TRIT1: variants seen among roughly 807,000 people sequenced by gnomAD.
The protein encoded by TRIT1 is tRNA isopentenyltransferase 1.
A neutral mutation model predicts 51.2 loss-of-function variants in TRIT1; 43 were observed. The observed-to-expected ratio is 0.84, with a 90% CI of 0.66 to 1.08. The LOEUF is 1.08. Ranked by LOEUF, TRIT1 falls within the 50% of genes least tolerant of loss-of-function variation. The probability of loss-of-function intolerance (pLI) is 0.00; values close to 1 mark genes in which losing one functional copy is unlikely to be tolerated. For synonymous variants in TRIT1, 184 were observed against 203.9 expected (o/e 0.90, Z 0.83); for missense variants, 528 against 578.4 (o/e 0.91, Z 0.89).
intron 8 of TRIT1, among the ~76,000 whole-genome samples, chr1:39,846,679 C>A (rs1247317469): frequency 1.3e-5 from 2 of 152,128 alleles, no homozygotes; most frequent in Admixed American, 6.5e-5. Context: ...ATGTATAACA[C>A]CAAATTTAGT....
chr1:39,855,581 A>G (rs1435912747), intron 2 of TRIT1, among the ~76,000 whole-genome samples: 1 of 152,202 alleles, frequency 6.6e-6, no homozygotes, highest in African/African-American at 2.4e-5. Context: ...ATTTCCTTTG[A>G]GCATCATCTC....
intron 3 of TRIT1, 130 bp downstream of exon 3, chr1:39,853,839 GA>G: frequency 1.6e-6 from 1 of 643,596 alleles, no homozygotes; most frequent in Non-Finnish European, 2.6e-6. Flanking sequence ...ATTTGCTTGA[GA>G]ATATTAAGTA....
In TRIT1 at chr1:39,841,327, G is replaced by T. The variant is rs554963707; in HGVS notation, c.*417C>A. ...CAATATGTGGCTCACAAATACTTCA[G>T]TCATCTACAAAAGCATCTGGAAATT... is the stretch of plus-strand genomic sequence containing the variant. On this transcript the variant is annotated 3_prime_UTR_variant, in exon 11 of 11. Transcript: ENST00000316891. The T allele has an allele frequency of 6.5e-6, 1 of 153,642 alleles. No individual in the cohort carries two copies. Among genetic ancestry groups the T allele is most frequent in the East Asian group, 1.9e-4 (1 of 5,214 alleles). The allele number at this position is 153,642 out of a possible 1,614,324, so 9.5% of individuals were successfully genotyped here. A position where few individuals can be genotyped will look rare whatever the true frequency, so the allele number is the denominator to read the frequency against.
intron 1 of TRIT1, among the ~76,000 whole-genome samples, chr1:39,863,468 A>C (rs965494093): frequency 3.3e-5 from 5 of 152,224 alleles, no homozygotes; most frequent in African/African-American, 7.2e-5. Context: ...TCTTAAAAAA[A>C]AAGAGTCCTA....
At chr1:39,854,111 C>T (rs1173581785) in intron 2 of TRIT1, 43 bp from the exon 3 acceptor site, 2 of 1,435,402 alleles carry the variant, frequency 1.4e-6, no homozygotes, top group Non-Finnish European at 1.9e-6. Flanking sequence ...AGAATCCTGA[C>T]TCACTTTGGA....
At chr1:39,852,587 G>A in intron 4 of TRIT1, 144 bp downstream of exon 4, 1 of 950,376 alleles carries the variant, frequency 1.1e-6, no homozygotes, top group Non-Finnish European at 1.6e-6. Flanking sequence ...ATAACTCAGG[G>A]CCTCCCAACC....
intron 1 of TRIT1, among the ~76,000 whole-genome samples, chr1:39,882,906 C>T (rs912395362): frequency 2.6e-5 from 4 of 152,166 alleles, no homozygotes; most frequent in Admixed American, 6.5e-5. Context: ...ATCCTGATCT[C>T]GCTGGGTTAG....
intron 1 of TRIT1, among the ~76,000 whole-genome samples, chr1:39,870,114 T>C (rs1643806428): frequency 6.6e-6 from 1 of 152,308 alleles, no homozygotes; most frequent in South Asian, 2.1e-4. Flanking sequence ...ATTGTTGCTG[T>C]GTCTGTGTAG....
chr1:39,877,182 A>G (rs962963318), intron 1 of TRIT1, among the ~76,000 whole-genome samples: 3 of 151,978 alleles, frequency 2.0e-5, no homozygotes, highest in Middle Eastern at 3.4e-3. Flanking sequence ...CTGCTCCTAC[A>G]GTATGTCCCA....
chr1:39,883,339 G>T lies in TRIT1; in HGVS notation c.153C>A (p.Ile51=), dbSNP rs559686579. Residue 51 remains isoleucine (I), a synonymous_variant, in exon 1 of 11, where the codon ATC becomes ATA. Coordinates refer to ENST00000316891, the MANE Select transcript of TRIT1 (RefSeq NM_017646.6). ...LQLGQRLGGE[I]VSADSMQVYE... ...ATACCTGCATGGAGTCAGCGCTGAC[G>T]ATCTCACCGCCGAGCCGCTGGCCTA... is the stretch of plus-strand genomic sequence containing the variant. 3 of 1,609,682 alleles carry T rather than the reference G, an allele frequency of 1.9e-6. No homozygotes were observed. The highest frequency in any genetic ancestry group is 2.2e-5 in the East Asian group (1 of 44,660).
chr1:39,869,392 T>C (rs1252328626), intron 1 of TRIT1, among the ~76,000 whole-genome samples: 3 of 152,244 alleles, frequency 2.0e-5, no homozygotes, highest in Non-Finnish European at 4.4e-5. Context: ...GACGGAGTCT[T>C]GCTCACTCAG....
At chr1:39,844,026 CA>C in intron 10 of TRIT1, 74 bp downstream of exon 10, 1 of 1,046,322 alleles carries the variant, frequency 9.6e-7, no homozygotes, top group Non-Finnish European at 1.5e-6. Context: ...TTCAATCTGC[CA>C]AAGACTCTAA....
At chr1:39,854,524 T>C (rs1384818217) in intron 2 of TRIT1, among the ~76,000 whole-genome samples, 1 of 152,188 alleles carries the variant, frequency 6.6e-6, no homozygotes, top group Non-Finnish European at 1.5e-5. Context: ...ATGGAGAGAC[T>C]ATCACATTTT....
intron 1 of TRIT1, among the ~76,000 whole-genome samples, chr1:39,858,967 G>A (rs1375597969): frequency 6.6e-6 from 1 of 151,920 alleles, no homozygotes; most frequent in Non-Finnish European, 1.5e-5. Flanking sequence ...AAAACTAAAG[G>A]GGAGGCCGGA....
At position 39,848,504 on chromosome 1, in the gene TRIT1, A is replaced by G. The variant is rs529874608; in HGVS notation, c.704-407T>C. On this transcript the variant is annotated intron_variant, in intron 5 of 10. Transcript: ENST00000316891. ...TAAGAACCCCTAGATGACACCTTGG[A>G]TAAGAACATGGAACTTTAATCCAAA... Among the ~76,000 whole-genome samples, 39 of 151,448 alleles carry G rather than the reference A, an allele frequency of 2.6e-4. No individual in the cohort carries two copies. The South Asian group carries it at 5.2e-3, about 20-fold the overall frequency.
At chr1:39,870,919 C>T (rs1302221317) in intron 1 of TRIT1, among the ~76,000 whole-genome samples, 2 of 152,146 alleles carry the variant, frequency 1.3e-5, no homozygotes, top group East Asian at 1.9e-4. Context: ...AGACACCAGG[C>T]GCGGTAGCTC....
At position 39,854,051 on chromosome 1, in the gene TRIT1, G is replaced by A. The variant is rs893566208; in HGVS notation, c.333C>T (p.Ala111=). The A allele has an allele frequency of 4.3e-6, 7 of 1,609,244 alleles. No homozygotes were observed. The highest frequency in any genetic ancestry group is 5.9e-6 in the Non-Finnish European group (7 of 1,177,476). Residue 111 remains alanine, a synonymous_variant, in exon 3 of 11, where the codon GCC becomes GCT. Coordinates refer to ENST00000316891, the MANE Select transcript of TRIT1 (RefSeq NM_017646.6). ...CCACAACAATAGGAATTTTGTCTCG[G>A]GCAAATATATCTTCAATGTGAACAT... is the stretch of plus-strand genomic sequence containing the variant. ...RATALIEDIF[A]RDKIPIVVGG...
In TRIT1 at chr1:39,883,460, G is replaced by C. The variant is rs1457895874; in HGVS notation, c.32C>G (p.Pro11Arg). Residue 11 changes from proline (P) to arginine (R), a missense_variant, in exon 1 of 11, where the codon CCC becomes CGC. Transcript: ENST00000316891. MASVAAARAV[P>R]VGSGLRGLQR... ...CAGGCCCCTGAGCCCACTGCCCACGGGAACTGCTCGTGCAGCCGCCACGGA... is the reference window on the plus strand; with the variant it reads ...CAGGCCCCTGAGCCCACTGCCCACGCGAACTGCTCGTGCAGCCGCCACGGA... The C allele has an allele frequency of 1.3e-6, 2 of 1,600,002 alleles. No individual in the cohort carries two copies. Among genetic ancestry groups the C allele is most frequent in the East Asian group, 2.3e-5 (1 of 44,368 alleles).
chr1:39,863,751 AG>A (rs1398275273), intron 1 of TRIT1, among the ~76,000 whole-genome samples: 2 of 148,938 alleles, frequency 1.3e-5, no homozygotes, highest in Non-Finnish European at 3.0e-5. Context: ...TCTACAACAG[AG>A]AAAAAAAAAA....
Sources: allele counts gnomAD v4.1 joint callset (sites outside exome capture counted in the v4.1 genomes callset), GRCh38; gene constraint gnomAD v4.1.1; transcripts MANE v1.5; gene names NCBI Gene and HGNC (gene_info 2026-07-23, HGNC 2026-07-21).